Variants in TCAIM observed in about 807,000 individuals in gnomAD.
TCAIM encodes the protein T cell activation inhibitor, mitochondrial.
Under a neutral mutation model 58.6 loss-of-function variants are expected in TCAIM, and 36 were observed. The ratio of observed to expected loss-of-function variants is 0.61; its 90% CI spans 0.47 to 0.81. The LOEUF (loss-of-function observed/expected upper bound fraction) is 0.81, where lower values mean the gene tolerates loss of function less well. TCAIM is among the 30% of genes least tolerant of loss of function. The pLI is 0.00. For missense variants in TCAIM, 466 were observed against 579.6 expected, an observed-to-expected ratio of 0.80 and a Z score of 2.01; for synonymous variants, 172 against 193.6, an observed-to-expected ratio of 0.89 and a Z score of 0.93.
intron 10 of TCAIM, among the ~76,000 whole-genome samples, chr3:44,404,046 T>G (rs1423726440): frequency 1.3e-5 from 2 of 152,208 alleles, no homozygotes; most frequent in African/African-American, 2.4e-5. Context: ...TCACTCGTTC[T>G]GCTCCAGCCT....
intron 5 of TCAIM, among the ~76,000 whole-genome samples, chr3:44,389,746 T>TA (rs5848697): frequency 0.47 from 70,070 of 147,638 alleles, 17,327 homozygotes; most frequent in East Asian, 0.79. Context: ...GTCATTGAAT[T>TA]AAAAAAAAAA....
At chr3:44,377,520 T>C (rs1237393712) in intron 5 of TCAIM, among the ~76,000 whole-genome samples, 1 of 152,208 alleles carries the variant, frequency 6.6e-6, no homozygotes, top group African/African-American at 2.4e-5. Flanking sequence ...ATTAAGGAGC[T>C]GGATCTAACA....
chr3:44,377,401 A>T (rs1185642579), intron 5 of TCAIM, among the ~76,000 whole-genome samples: 3 of 152,184 alleles, frequency 2.0e-5, no homozygotes, highest in African/African-American at 7.2e-5. Context: ...TGAAGAGAGA[A>T]ATAGAAAGTT....
intron 5 of TCAIM, among the ~76,000 whole-genome samples, chr3:44,385,496 C>G (rs553606567): frequency 6.6e-6 from 1 of 152,280 alleles, no homozygotes; most frequent in South Asian, 2.1e-4. Context: ...AATCCCAGCA[C>G]TTTGGGAGGC....
intron 5 of TCAIM, among the ~76,000 whole-genome samples, chr3:44,380,280 T>C (rs1701634934): frequency 6.6e-6 from 1 of 152,084 alleles, no homozygotes; most frequent in African/African-American, 2.4e-5. Flanking sequence ...AAGAGAATAA[T>C]TGGAATGTTT....
chr3:44,359,265 A>G (rs1459713974), intron 3 of TCAIM: 3 of 199,064 alleles, frequency 1.5e-5, no homozygotes, highest in Non-Finnish European at 2.7e-5. Flanking sequence ...TAAAGGGTTA[A>G]CTCAGCAAGC....
chr3:44,396,308 T>G (rs759822367), intron 6 of TCAIM, 92 bp from the exon 7 acceptor site: 8 of 1,004,524 alleles, frequency 8.0e-6, no homozygotes, highest in African/African-American at 1.6e-5. Context: ...AGAGACTCAT[T>G]GGCTTTCCAA....
At chr3:44,400,942 A>G in intron 9 of TCAIM, 2 of 497,188 alleles carry the variant, frequency 4.0e-6, no homozygotes, top group Non-Finnish European at 7.2e-6. Context: ...TTCTGTCTTT[A>G]GCTCTCACAA....
At chr3:44,340,362 A>G (rs931730161) in intron 1 of TCAIM, 2 of 152,194 alleles carry the variant, frequency 1.3e-5, no homozygotes, top group Admixed American at 6.5e-5. Flanking sequence ...AAGTGATAAA[A>G]TTGGGTTCTG....
intron 5 of TCAIM, among the ~76,000 whole-genome samples, chr3:44,388,538 T>G (rs1446195021): frequency 6.6e-6 from 1 of 152,254 alleles, no homozygotes; most frequent in African/African-American, 2.4e-5. Context: ...AACCCATTAC[T>G]AATGATACTA....
chr3:44,394,906 AAAAAAAAAAAAAAAAATATATATATAT>A (rs1291528588), intron 6 of TCAIM, among the ~76,000 whole-genome samples: 1 of 49,704 alleles, frequency 2.0e-5, no homozygotes, highest in East Asian at 5.9e-4. Context: ...AAAAAAAAAA[AAAAAAAAAAAAAAAAATATATATATAT>A]ATATATATAT....
At chr3:44,377,705 A>T (rs1436318700) in intron 5 of TCAIM, among the ~76,000 whole-genome samples, 2 of 152,238 alleles carry the variant, frequency 1.3e-5, no homozygotes, top group African/African-American at 4.8e-5. Flanking sequence ...GTTAGAAATC[A>T]ACAACAGAAG....
At chr3:44,349,605 C>T (rs1056005006) in intron 1 of TCAIM, among the ~76,000 whole-genome samples, 4 of 152,098 alleles carry the variant, frequency 2.6e-5, no homozygotes, top group African/African-American at 4.8e-5. Flanking sequence ...CAGGTGTCCC[C>T]GTGGTGATAA....
In TCAIM at chr3:44,366,563, TCA is replaced by T. The variant is rs369319346; in HGVS notation, c.320-891_320-890del. Among the ~76,000 whole-genome samples, 297 of 151,230 alleles carry T rather than the reference TCA, an allele frequency of 2.0e-3. 1 individual carries two copies. Among genetic ancestry groups the T allele is most frequent in the African/African-American group, 6.1e-3 (250 of 41,190 alleles). ...TCACTGCAAGCTCCGCCTCCCGGGT[TCA>T]CGCCATTCTCCTGCCTCAGCCTCCA... On this transcript the variant is annotated intron_variant, in intron 4 of 10. Coordinates refer to ENST00000342649, the MANE Select transcript of TCAIM (RefSeq NM_173826.4).
Position 44,396,846 on chromosome 3 carries a change from C to A in TCAIM, c.885+12C>A. The stretch of plus-strand genomic sequence containing the variant: ...ACCACTGGACAAAAGTAAGAAAGAG[C>A]CTTAAAATTAAAAACTCCTTGTCAT... On this transcript the variant is annotated intron_variant, in intron 8 of 10. Coordinates refer to ENST00000342649, the MANE Select transcript of TCAIM (RefSeq NM_173826.4). The A allele has an allele frequency of 6.2e-7, 1 of 1,609,442 alleles. No homozygotes were observed. Among genetic ancestry groups the A allele is most frequent in the East Asian group, 2.2e-5 (1 of 44,802 alleles).
intron 1 of TCAIM, chr3:44,341,423 AC>A (rs1409552207): frequency 6.6e-6 from 1 of 152,022 alleles, no homozygotes; most frequent in Non-Finnish European, 1.5e-5. Flanking sequence ...AAAGTAAACA[AC>A]TAGCTATTTT....
intron 1 of TCAIM, among the ~76,000 whole-genome samples, chr3:44,344,406 C>T (rs1190588897): frequency 6.6e-6 from 1 of 152,154 alleles, no homozygotes; most frequent in Non-Finnish European, 1.5e-5. Flanking sequence ...TCTTAGTCTT[C>T]AGCTGCTGTG....
chr3:44,386,308 G>A (rs1487089960), intron 5 of TCAIM, among the ~76,000 whole-genome samples: 1 of 152,100 alleles, frequency 6.6e-6, no homozygotes, highest in East Asian at 1.9e-4. Flanking sequence ...GAGCCCAGGA[G>A]TTCAAAGTTA....
At chr3:44,358,278 A>G (rs1231434724) in intron 3 of TCAIM, 2 of 1,111,984 alleles carry the variant, frequency 1.8e-6, no homozygotes, top group East Asian at 4.8e-5. Flanking sequence ...ATGCTGCTGG[A>G]CCACTCCCCT....
Sources: gnomAD v4.1 joint callset for allele counts (sites outside exome capture counted in the v4.1 genomes callset) on GRCh38, gnomAD v4.1.1 for gene constraint, MANE v1.5 for transcripts, NCBI Gene and HGNC (gene_info 2026-07-23, HGNC 2026-07-21) for gene names.